The following ULK4 variants were observed in gnomAD, a reference collection of about 807,000 sequenced individuals.
The protein encoded by ULK4 is inactive serine/threonine-protein kinase ULK4.
Under a neutral mutation model 160.6 loss-of-function variants are expected in ULK4, and 133 were observed. The observed-to-expected ratio is 0.83, with a 90% confidence interval of 0.72 to 0.96. The LOEUF is 0.96. Among genes scored for constraint, ULK4 ranks in the 40% least tolerant of loss-of-function variants. ULK4 has a pLI of 0.00. For missense variants in ULK4, 1,580 were observed against 1,499.5 expected (o/e 1.05, Z -0.89); for synonymous variants, 534 against 539.8 (o/e 0.99, Z 0.15).
At chr3:41,430,076 T>C (rs907145443) in intron 34 of ULK4, among the ~76,000 whole-genome samples, 2 of 152,160 alleles carry the variant, frequency 1.3e-5, no homozygotes, top group Non-Finnish European at 2.9e-5. Flanking sequence ...AAAGAATATA[T>C]ACTAAATGAA....
intron 32 of ULK4, among the ~76,000 whole-genome samples, chr3:41,512,749 ACT>A: frequency 6.6e-6 from 1 of 152,144 alleles, no homozygotes; most frequent in Middle Eastern, 3.4e-3. Context: ...TACCACAATC[ACT>A]CTTCACAGAA....
intron 30 of ULK4, among the ~76,000 whole-genome samples, chr3:41,638,153 T>A (rs1034466679): frequency 1.3e-5 from 2 of 152,170 alleles, no homozygotes; most frequent in East Asian, 3.9e-4. Context: ...AGACTCTCAA[T>A]AAATGCTATC....
chr3:41,457,308 T>A (rs1457842337), intron 33 of ULK4, among the ~76,000 whole-genome samples: 1 of 152,028 alleles, frequency 6.6e-6, no homozygotes, highest in Non-Finnish European at 1.5e-5. Flanking sequence ...CTGTAGGACT[T>A]TTTCCACCAG....
At chr3:41,550,889 A>G (rs2087037172) in intron 32 of ULK4, among the ~76,000 whole-genome samples, 1 of 152,034 alleles carries the variant, frequency 6.6e-6, no homozygotes, top group Admixed American at 6.6e-5. Context: ...AGGCCACAAA[A>G]CAAGTCTCAA....
intron 5 of ULK4, among the ~76,000 whole-genome samples, chr3:41,924,266 C>A (rs1173021354): frequency 1.3e-5 from 2 of 152,176 alleles, no homozygotes; most frequent in Non-Finnish European, 2.9e-5. Context: ...CATACTTAGA[C>A]AGTGAATTCT....
chr3:41,332,217 A>C (rs1163098891), intron 35 of ULK4, among the ~76,000 whole-genome samples: 2 of 152,014 alleles, frequency 1.3e-5, no homozygotes, highest in Non-Finnish European at 2.9e-5. Context: ...GAAAAAAAAA[A>C]ACAAAAAACA....
intron 21 of ULK4, among the ~76,000 whole-genome samples, chr3:41,769,167 T>G (rs2039268860): frequency 6.6e-6 from 1 of 152,206 alleles, no homozygotes; most frequent in Non-Finnish European, 1.5e-5. Flanking sequence ...GCAGCACAAT[T>G]TTAGATCTAA....
chr3:41,783,847 ACT>A (rs2039924914), intron 21 of ULK4, among the ~76,000 whole-genome samples: 1 of 152,158 alleles, frequency 6.6e-6, no homozygotes, highest in African/African-American at 2.4e-5. Flanking sequence ...ACATCCATGA[ACT>A]CTCAGACTTT....
At chr3:41,703,101 G>A (rs557406913) in intron 27 of ULK4, among the ~76,000 whole-genome samples, 4 of 152,092 alleles carry the variant, frequency 2.6e-5, no homozygotes, top group East Asian at 1.9e-4. Context: ...TGATCTGCCC[G>A]CCTCAGCCTC....
At chr3:41,958,964 A>C (rs1430646106) in intron 1 of ULK4, among the ~76,000 whole-genome samples, 1 of 152,158 alleles carries the variant, frequency 6.6e-6, no homozygotes, top group Non-Finnish European at 1.5e-5. Flanking sequence ...GCAATGACTC[A>C]CGTCTATAAT....
chr3:41,781,475 T>C (rs117178574), intron 21 of ULK4, among the ~76,000 whole-genome samples: 292 of 152,162 alleles, frequency 1.9e-3, no homozygotes, highest in East Asian at 0.013. Flanking sequence ...GAGAATGTAT[T>C]AATTTTTTGG....
intron 5 of ULK4, among the ~76,000 whole-genome samples, chr3:41,924,541 C>T (rs956530337): frequency 6.6e-6 from 1 of 152,182 alleles, no homozygotes; most frequent in Non-Finnish European, 1.5e-5. Context: ...CTTCCCCTTA[C>T]TAAATATGCA....
At chr3:41,682,645 T>G (rs2035961334) in intron 27 of ULK4, among the ~76,000 whole-genome samples, 1 of 152,178 alleles carries the variant, frequency 6.6e-6, no homozygotes, top group South Asian at 2.1e-4. Flanking sequence ...CCACTTGACA[T>G]AGGAAATTTA....
In ULK4 at chr3:41,932,173, C is replaced by T. The variant is rs1432386295; in HGVS notation, c.379-167G>A. On this transcript the variant is annotated intron_variant, in intron 4 of 36. Transcript: ENST00000301831. ...TTTAAAAGCTAAAGAAAAATAAATCCAACTTTTTAATAATCAAATAAAAAA... is the reference window on the plus strand; with the variant it reads ...TTTAAAAGCTAAAGAAAAATAAATCTAACTTTTTAATAATCAAATAAAAAA... Among the ~76,000 whole-genome samples the T allele has an allele frequency of 2.6e-5, 4 of 152,074 alleles. No homozygotes were observed. In the East Asian group the frequency reaches 7.7e-4, roughly 29 times the overall value.
intron 5 of ULK4, among the ~76,000 whole-genome samples, chr3:41,925,574 G>A (rs954765944): frequency 6.6e-6 from 1 of 152,174 alleles, no homozygotes; most frequent in Non-Finnish European, 1.5e-5. Flanking sequence ...GCCCTGGAAA[G>A]GGGGCCAAAG....
chr3:41,802,079 T>C (rs2040478581), intron 19 of ULK4, among the ~76,000 whole-genome samples: 1 of 151,842 alleles, frequency 6.6e-6, no homozygotes, highest in African/African-American at 2.4e-5. Flanking sequence ...AAAACAAAGA[T>C]AAAATAAGTA....
chr3:41,690,256 A>G (rs1205529590), intron 27 of ULK4, among the ~76,000 whole-genome samples: 2 of 151,398 alleles, frequency 1.3e-5, no homozygotes, highest in East Asian at 1.9e-4. Context: ...ACACATGGAC[A>G]CAGGAAGGGG....
At chr3:41,411,394 T>C (rs1393288683) in intron 34 of ULK4, among the ~76,000 whole-genome samples, 2 of 151,936 alleles carry the variant, frequency 1.3e-5, no homozygotes, top group South Asian at 2.1e-4. Context: ...CTCCACAACC[T>C]CTTATCATAA....
chr3:41,563,616 A>C (rs2087681324), intron 32 of ULK4, among the ~76,000 whole-genome samples: 1 of 152,068 alleles, frequency 6.6e-6, no homozygotes, highest in African/African-American at 2.4e-5. Flanking sequence ...TTTGACCTTC[A>C]ATCACGGATA....
Sources: gnomAD v4.1 joint callset for allele counts (sites outside exome capture counted in the v4.1 genomes callset) on GRCh38, gnomAD v4.1.1 for gene constraint, MANE v1.5 for transcripts, NCBI Gene and HGNC (gene_info 2026-07-23, HGNC 2026-07-21) for gene names.